Variants in HEXD observed in about 807,000 individuals in gnomAD.
HEXD encodes the protein N-acetyl-beta-galactosaminidase.
Under a neutral mutation model 54.2 loss-of-function variants are expected in HEXD, and 47 were observed. The ratio of observed to expected loss-of-function variants is 0.87; its 90% confidence interval spans 0.69 to 1.11. The LOEUF is 1.11. Ranked by LOEUF, HEXD falls within the 50% of genes least tolerant of loss-of-function variation. HEXD has a pLI of 0.00. For missense variants in HEXD, 576 were observed against 649.2 expected, an observed-to-expected ratio of 0.89 and a Z score of 1.23; for synonymous variants, 293 against 287.6, an observed-to-expected ratio of 1.02 and a Z score of -0.19.
Position 82,441,412 on chromosome 17 carries a change from GGGCAGGTGTGGGTGGGA to G in HEXD, c.1163+155_1163+171del, listed in dbSNP as rs1447069639. ...CAGGCATGGGGCAGGTGCGGGTGAG[GGGCAGGTGTGGGTGGGA>G]GGCAGGTGCAGGTGAACAGGCAGGT... On this transcript the variant is annotated intron_variant, in intron 11 of 12. Transcript: ENST00000327949. 3.6e-3 allele frequency: 3,310 copies of G among 908,896 alleles called. 20 individuals are homozygous for G. Among genetic ancestry groups the G allele is most frequent in the Non-Finnish European group, 4.6e-3 (2,818 of 615,714 alleles). The allele number at this position is 908,896 out of a possible 1,614,324, so 56.3% of individuals were successfully genotyped here.
At position 82,434,058 on chromosome 17, in the gene HEXD, C is replaced by T. The variant is rs2053688764; in HGVS notation, c.447+236C>T. On this transcript the variant is annotated intron_variant, in intron 5 of 12. Coordinates refer to ENST00000327949, the MANE Select transcript of HEXD (RefSeq NM_001330542.2). The surrounding 1 kb of genome is among the most constrained non-coding windows in gnomAD (Gnocchi z 4.5). ...CCAACATCTTCTCCGGGTGGATGGG[C>T]GGCCTGGCACGGGACAGCCTGCAGA... Among the ~76,000 whole-genome samples the T allele has an allele frequency of 1.3e-5, 2 of 152,152 alleles. No homozygotes were observed. The highest frequency in any genetic ancestry group is 6.5e-5 in the Admixed American group (1 of 15,290).
At chr17:82,427,731 C>T (rs935194867) in intron 3 of HEXD, among the ~76,000 whole-genome samples, 3 of 152,152 alleles carry the variant, frequency 2.0e-5, no homozygotes, top group East Asian at 1.9e-4. Flanking sequence ...ATCTATAGAA[C>T]GGATTAGCCT....
rs913852533 is a variant in HEXD at position 82,438,652 on chromosome 17, C to T, written c.900-979C>T. Reference sequence around the variant, plus strand: ...GGTGGCGCAGGTGATGTGGGCTAGGCGAACGGCTGGAGGCCAGACCCACCA... The same window carrying T: ...GGTGGCGCAGGTGATGTGGGCTAGGTGAACGGCTGGAGGCCAGACCCACCA... On this transcript the variant is annotated intron_variant, in intron 8 of 12. Transcript: ENST00000327949. Among the ~76,000 whole-genome samples, 5 of 152,174 alleles carry T rather than the reference C, an allele frequency of 3.3e-5. No homozygotes were observed. In the South Asian group the frequency reaches 6.2e-4, roughly 19 times the overall value.
At chr17:82,433,616 A>G in intron 4 of HEXD, 42 bp from the exon 5 acceptor site, 2 of 1,499,742 alleles carry the variant, frequency 1.3e-6, no homozygotes, top group Non-Finnish European at 8.9e-7. Flanking sequence ...AGATCAGTCC[A>G]GCTCCTCCGC....
chr17:82,434,046 C>T lies in HEXD; in HGVS notation c.447+224C>T, dbSNP rs1046938478. 3.9e-5 allele frequency among the ~76,000 whole-genome samples: 6 copies of T among 152,138 alleles called. No individual in the cohort carries two copies. Among genetic ancestry groups the T allele is most frequent in the African/African-American group, 9.7e-5 (4 of 41,444 alleles). On this transcript the variant is annotated intron_variant, in intron 5 of 12. Transcript: ENST00000327949. The surrounding 1 kb of genome is among the most constrained non-coding windows in gnomAD (Gnocchi z 4.5). ...TGTCAGACGCGTCCAACATCTTCTC[C>T]GGGTGGATGGGCGGCCTGGCACGGG...
At position 82,441,048 on chromosome 17, in the gene HEXD, C is replaced by T. The variant is rs373846837; in HGVS notation, c.1034C>T (p.Ser345Phe). 2.5e-6 allele frequency: 4 copies of T among 1,613,536 alleles called. No homozygotes were observed. The African/African-American group carries it at 4.0e-5, about 16-fold the overall frequency. Residue 345 changes from serine to phenylalanine, a missense_variant, in exon 10 of 13, where the codon TCC becomes TTC. Ser to Phe is a radical substitution (Grantham distance 155). Transcript: ENST00000327949. ...KAKVENLLGI[S>F]SLEKTDPVRE... is the part of the protein sequence containing the mutation. ...AAAGTGGAGAACCTTCTCGGGATTTCCAGCCTGGAAAAAACGGACCCTGTT... is the reference window on the plus strand; with the variant it reads ...AAAGTGGAGAACCTTCTCGGGATTTTCAGCCTGGAAAAAACGGACCCTGTT...
intron 3 of HEXD, among the ~76,000 whole-genome samples, chr17:82,425,027 AAGGCTGGAGG>A (rs1307357973): frequency 1.3e-4 from 19 of 144,208 alleles, no homozygotes; most frequent in African/African-American, 3.1e-4. Flanking sequence ...GAGGCTAGAG[AAGGCTGGAGG>A]AGGCTGGAGG....
intron 4 of HEXD, among the ~76,000 whole-genome samples, chr17:82,429,355 T>A (rs1290674938): frequency 6.6e-6 from 1 of 152,046 alleles, no homozygotes; most frequent in African/African-American, 2.4e-5. Flanking sequence ...GCTCTTAGGT[T>A]CCATTTATTT....
At chr17:82,431,732 A>C (rs1009261041) in intron 4 of HEXD, among the ~76,000 whole-genome samples, 10 of 152,066 alleles carry the variant, frequency 6.6e-5, no homozygotes, top group African/African-American at 2.2e-4. Context: ...TCATTCTTAC[A>C]ATATATTCAT....
At chr17:82,438,119 C>G (rs1241370570) in intron 8 of HEXD, among the ~76,000 whole-genome samples, 4 of 152,136 alleles carry the variant, frequency 2.6e-5, no homozygotes, top group Non-Finnish European at 5.9e-5. Flanking sequence ...CGCCTATGAT[C>G]CTAGCTACTC....
Position 82,419,814 on chromosome 17 carries a change from T to A in HEXD, c.15T>A (p.Thr5=), listed in dbSNP as rs1141463. 4 of 1,607,734 alleles carry A rather than the reference T, an allele frequency of 2.5e-6. No individual in the cohort carries two copies. In the African/African-American group the frequency reaches 4.0e-5, roughly 16 times the overall value. Residue 5 remains threonine (T), a synonymous_variant, in exon 2 of 13, where the codon ACT becomes ACA. Transcript: ENST00000327949. Reference sequence around the variant, plus strand: ...GAAATATTGAAATGTCAGGTTCCACTCCATTTCAGATGAGATTAGTTCATT... The same window carrying A: ...GAAATATTGAAATGTCAGGTTCCACACCATTTCAGATGAGATTAGTTCATT... MSGS[T]PFQMRLVHLD...
chr17:82,418,942 C>T (rs1210088902), intron 1 of HEXD, among the ~76,000 whole-genome samples: 2 of 152,180 alleles, frequency 1.3e-5, no homozygotes, highest in East Asian at 1.9e-4. Context: ...TGTAACTGGT[C>T]GTATGTACAA....
In HEXD at chr17:82,419,863, A is replaced by G; in HGVS notation, c.64A>G (p.Lys22Glu). ...TTTAGACCTTAAAGGAGCTCCACCA[A>G]AGGTCTCGTACCTCTCAGAGGTAAG... ...VHLDLKGAPP[K>E]VSYLSEIFPL... The change falls in exon 2 of 13, where the codon AAG (lysine) becomes GAG (glutamate). Residue 22 changes from lysine to glutamate, a missense_variant. Transcript: ENST00000327949. 1 of 1,608,916 alleles carries G rather than the reference A, an allele frequency of 6.2e-7. No homozygotes were observed. The highest frequency in any genetic ancestry group is 1.1e-5 in the South Asian group (1 of 90,978).
At position 82,428,568 on chromosome 17, in the gene HEXD, A is replaced by G; in HGVS notation, c.205A>G (p.Ile69Val). 1 of 1,613,144 alleles carries G rather than the reference A, an allele frequency of 6.2e-7. No homozygotes were observed. The highest frequency in any genetic ancestry group is 8.5e-7 in the Non-Finnish European group (1 of 1,179,192). Residue 69 changes from isoleucine to valine, a missense_variant, in exon 4 of 13, where the codon ATC becomes GTC. Physicochemically the swap from Ile to Val is conservative, Grantham distance 29. Coordinates refer to ENST00000327949, the MANE Select transcript of HEXD (RefSeq NM_001330542.2). Reference protein sequence around the residue: ...RAKYAYSPSEIKEILHLAGLN... With the variant: ...RAKYAYSPSEVKEILHLAGLN... ...ATTTTGTCTCTCCAGCCCCTCTGAA[A>G]TCAAAGAGATCTTGCATCTGGCTGG... is the stretch of plus-strand genomic sequence containing the variant.
chr17:82,433,517 C>A, intron 4 of HEXD, 141 bp from the exon 5 acceptor site: 1 of 745,440 alleles, frequency 1.3e-6, no homozygotes, highest in Non-Finnish European at 2.1e-6. Flanking sequence ...CCACAAGGTG[C>A]TGGGATTACA....
chr17:82,424,546 G>A lies in HEXD; in HGVS notation c.194+43G>A, dbSNP rs376885667. ...AGGTACAGGGGCGCGGCGTGAAAGCGGGGAAGGGGGGGTTCCGCAGGGCAG... is the reference window on the plus strand; with the variant it reads ...AGGTACAGGGGCGCGGCGTGAAAGCAGGGAAGGGGGGGTTCCGCAGGGCAG... On this transcript the variant is annotated intron_variant, in intron 3 of 12. Coordinates refer to ENST00000327949, the MANE Select transcript of HEXD (RefSeq NM_001330542.2). 45 of 1,402,490 alleles carry A rather than the reference G, an allele frequency of 3.2e-5. No individual in the cohort carries two copies. The African/African-American group carries it at 4.2e-4, about 13-fold the overall frequency. The allele number at this position is 1,402,490 out of a possible 1,614,324, so 86.9% of individuals were successfully genotyped here. A position where few individuals can be genotyped will look rare whatever the true frequency, so the allele number is the denominator to read the frequency against.
chr17:82,430,417 C>T (rs1285975452), intron 4 of HEXD, among the ~76,000 whole-genome samples: 1 of 152,214 alleles, frequency 6.6e-6, no homozygotes, highest in African/African-American at 2.4e-5. Context: ...GAGACAGGGT[C>T]TCACTCTGTT....
chr17:82,441,365 G>GC, intron 11 of HEXD, 99 bp downstream of exon 11: 1 of 1,362,238 alleles, frequency 7.3e-7, no homozygotes, highest in Non-Finnish European at 9.8e-7. Context: ...GTGCGGGTGA[G>GC]GGGCAGGTGC....
rs773473528 is a variant in HEXD, at chr17:82,419,845, C to G, written c.46C>G (p.Leu16Val). The G allele has an allele frequency of 6.2e-7, 1 of 1,612,094 alleles. No homozygotes were observed. The highest frequency in any genetic ancestry group is 1.1e-5 in the South Asian group (1 of 91,044). ...TCAGATGAGATTAGTTCATTTAGAC[C>G]TTAAAGGAGCTCCACCAAAGGTCTC... Reference protein sequence around the residue: ...PFQMRLVHLDLKGAPPKVSYL... With the variant: ...PFQMRLVHLDVKGAPPKVSYL... Residue 16 changes from leucine to valine, a missense_variant, in exon 2 of 13, where the codon CTT becomes GTT. Physicochemically the swap from Leu to Val is conservative, Grantham distance 32. Coordinates refer to ENST00000327949, the MANE Select transcript of HEXD (RefSeq NM_001330542.2).
Sources: allele counts gnomAD v4.1 joint callset (sites outside exome capture counted in the v4.1 genomes callset), GRCh38; gene constraint gnomAD v4.1.1; non-coding constraint Gnocchi (gnomAD v3.1); transcripts MANE v1.5; gene names NCBI Gene and HGNC (gene_info 2026-07-23, HGNC 2026-07-21).